The following TRDN variants were observed in gnomAD, a reference collection of about 807,000 sequenced individuals.
TRDN encodes triadin in skeletal muscle.
In TRDN, 161 loss-of-function variants were observed where a neutral mutation model predicts 149.7. The ratio of observed to expected loss-of-function variants is 1.08; its 90% CI spans 0.95 to 1.23. The LOEUF (loss-of-function observed/expected upper bound fraction) is 1.23, where lower values mean the gene tolerates loss of function less well. TRDN is among the 50% of genes most tolerant of loss of function. TRDN has a pLI of 0.00. For missense variants in TRDN, 896 were observed against 823.5 expected (o/e 1.09, Z -1.08); for synonymous variants, 294 against 250.5 (o/e 1.17, Z -1.64).
At chr6:123,385,284 C>T (rs112074487) in intron 14 of TRDN, among the ~76,000 whole-genome samples, 15 of 151,830 alleles carry the variant, frequency 9.9e-5, no homozygotes, top group South Asian at 6.3e-4. Flanking sequence ...AAAAATTAGC[C>T]GGGTGTGGTA....
At chr6:123,400,062 G>C (rs1772893594) in intron 12 of TRDN, among the ~76,000 whole-genome samples, 1 of 150,944 alleles carries the variant, frequency 6.6e-6, no homozygotes, top group African/African-American at 2.4e-5. Context: ...AATTTATTGG[G>C]CTAGGATTGA....
chr6:123,301,741 G>GTATATATATACATATATATATATACATA (rs1554221673), intron 24 of TRDN, among the ~76,000 whole-genome samples: 1 of 47,354 alleles, frequency 2.1e-5, no homozygotes, highest in Admixed American at 3.3e-4. Context: ...ATGTATGTAT[G>GTATATATATACATATATATATATACATA]TATATATATA....
chr6:123,316,372 G>T, intron 24 of TRDN, 85 bp downstream of exon 24: 2 of 1,293,288 alleles, frequency 1.5e-6, no homozygotes, highest in Non-Finnish European at 1.1e-6. Context: ...ATTTTATCCA[G>T]CCAGGATTGT....
At chr6:123,599,111 T>C (rs1290314439) in intron 1 of TRDN, among the ~76,000 whole-genome samples, 1 of 152,114 alleles carries the variant, frequency 6.6e-6, no homozygotes, top group African/African-American at 2.4e-5. Flanking sequence ...ACTCTTCCCT[T>C]TAATGACAAA....
At chr6:123,388,944 A>G (rs1041320606) in intron 13 of TRDN, among the ~76,000 whole-genome samples, 1 of 152,134 alleles carries the variant, frequency 6.6e-6, no homozygotes, top group African/African-American at 2.4e-5. Flanking sequence ...AAAATTATCT[A>G]TGCTTAGCTA....
chr6:123,332,833 T>C (rs1366034432), intron 22 of TRDN, among the ~76,000 whole-genome samples: 1 of 152,038 alleles, frequency 6.6e-6, no homozygotes, highest in African/African-American at 2.4e-5. Flanking sequence ...TAGTAAACAC[T>C]TAGAATTAAC....
At chr6:123,496,105 AATT>A (rs1217462152) in intron 9 of TRDN, among the ~76,000 whole-genome samples, 4 of 147,048 alleles carry the variant, frequency 2.7e-5, no homozygotes, top group African/African-American at 4.9e-5. Context: ...TAATATATAT[AATT>A]ATTATATATA....
At position 123,438,137 on chromosome 6, in the gene TRDN, A is replaced by G. The variant is rs1451991395; in HGVS notation, c.992-15T>C. On this transcript the variant is annotated splice_polypyrimidine_tract_variant and intron_variant, in intron 11 of 40. Transcript: ENST00000334268. ...ATCTTCTTTTTCTGCTGGTAAAATA[A>G]GAAAGTTATAAGCCTTTACCTGTTT... 6.4e-7 allele frequency: 1 copy of G among 1,566,732 alleles called. No individual in the cohort carries two copies.
intron 4 of TRDN, among the ~76,000 whole-genome samples, chr6:123,544,246 T>TAC (rs71021453): frequency 0.045 from 6,425 of 144,212 alleles, 415 homozygotes; most frequent in East Asian, 0.29. Flanking sequence ...CATCTGTACA[T>TAC]ACACACACAC....
chr6:123,630,732 C>A lies in TRDN; in HGVS notation c.22+6022G>T, dbSNP rs569943624. Among the ~76,000 whole-genome samples, 12 of 151,996 alleles carry A rather than the reference C, an allele frequency of 7.9e-5. No homozygotes were observed. The South Asian group carries it at 2.1e-3, about 26-fold the overall frequency. ...TACAAGAAAAAGCTTCTTAACGGAA[C>A]CTAACAAGGGCTGACACTACACAGC... is the stretch of plus-strand genomic sequence containing the variant. On this transcript the variant is annotated intron_variant, in intron 1 of 40. Transcript: ENST00000334268.
chr6:123,272,836 T>C (rs1777248046), intron 29 of TRDN, 128 bp downstream of exon 29: 1 of 717,936 alleles, frequency 1.4e-6, no homozygotes, highest in Non-Finnish European at 2.2e-6. Context: ...TTGGAGATGG[T>C]CTAGAAGCTT....
chr6:123,500,476 C>T (rs1219969215), intron 8 of TRDN, among the ~76,000 whole-genome samples: 1 of 152,058 alleles, frequency 6.6e-6, no homozygotes, highest in Non-Finnish European at 1.5e-5. Context: ...TTTCTTTAAA[C>T]CCAACTTAAA....
At chr6:123,490,453 G>A (rs1583135401) in intron 9 of TRDN, among the ~76,000 whole-genome samples, 1 of 152,312 alleles carries the variant, frequency 6.6e-6, no homozygotes, top group East Asian at 1.9e-4. Flanking sequence ...TAAAACTTGT[G>A]AGTTGTTTAT....
At chr6:123,381,342 C>T in intron 16 of TRDN, 28 bp downstream of exon 16, 1 of 1,542,520 alleles carries the variant, frequency 6.5e-7, no homozygotes, top group African/African-American at 1.4e-5. Context: ...AAAAAAAGTA[C>T]ACAAATACAC....
At chr6:123,541,337 T>C (rs1342036547) in intron 4 of TRDN, among the ~76,000 whole-genome samples, 1 of 152,150 alleles carries the variant, frequency 6.6e-6, no homozygotes, top group Non-Finnish European at 1.5e-5. Context: ...CTGGGTCACT[T>C]TGCGTGCCTT....
chr6:123,595,258 A>G (rs751719973), intron 1 of TRDN, among the ~76,000 whole-genome samples: 4 of 152,146 alleles, frequency 2.6e-5, no homozygotes, highest in Non-Finnish European at 5.9e-5. Context: ...TCTTTTGAAT[A>G]AAAGTCTTTT....
chr6:123,476,976 T>G (rs1379427221), intron 9 of TRDN, among the ~76,000 whole-genome samples: 3 of 125,974 alleles, frequency 2.4e-5, no homozygotes, highest in Non-Finnish European at 5.1e-5. Context: ...AACCTAGGCA[T>G]TACCATTCAG....
intron 1 of TRDN, among the ~76,000 whole-genome samples, chr6:123,579,787 G>A (rs1350570087): frequency 6.6e-6 from 1 of 152,118 alleles, no homozygotes; most frequent in Admixed American, 6.6e-5. Flanking sequence ...ATTGAATCAC[G>A]GGGGCAGTTT....
At chr6:123,532,157 G>A (rs969175316) in intron 4 of TRDN, among the ~76,000 whole-genome samples, 2 of 151,986 alleles carry the variant, frequency 1.3e-5, no homozygotes, top group South Asian at 2.1e-4. Flanking sequence ...AAATTGAGAT[G>A]TGCTGTAAGT....
Sources: gnomAD v4.1 joint callset for allele counts (sites outside exome capture counted in the v4.1 genomes callset) on GRCh38, gnomAD v4.1.1 for gene constraint, MANE v1.5 for transcripts, NCBI Gene and HGNC (gene_info 2026-07-23, HGNC 2026-07-21) for gene names.